The following HSD17B4 variants were observed in gnomAD, a reference collection of about 807,000 sequenced individuals.
The protein encoded by HSD17B4 is hydroxysteroid 17-beta dehydrogenase 4, also known as peroxisomal multifunctional enzyme type 2.
Under a neutral mutation model 101.0 loss-of-function variants are expected in HSD17B4, and 70 were observed. The observed-to-expected ratio is 0.69, with a 90% CI of 0.57 to 0.85. HSD17B4 has a LOEUF of 0.85. Among genes scored for constraint, HSD17B4 ranks in the 40% least tolerant of loss-of-function variants. The pLI, the probability that HSD17B4 is intolerant of heterozygous loss-of-function variation, is 0.00. For synonymous variants in HSD17B4, 347 were observed against 297.1 expected (o/e 1.17, Z -1.73); for missense variants, 984 against 892.4 (o/e 1.10, Z -1.31).
At chr5:119,493,716 T>C (rs1750326861) in intron 10 of HSD17B4, 102 bp from the exon 11 acceptor site, 1 of 1,125,568 alleles carries the variant, frequency 8.9e-7, no homozygotes, top group Non-Finnish European at 1.3e-6. Flanking sequence ...ATCCCTTTTT[T>C]TCTGAATTTC....
chr5:119,532,073 T>C (rs917639564), intron 22 of HSD17B4, among the ~76,000 whole-genome samples: 17 of 152,258 alleles, frequency 1.1e-4, no homozygotes, highest in African/African-American at 2.9e-4. Flanking sequence ...AGAAAAAATA[T>C]TCTGTCAGAT....
intron 1 of HSD17B4, among the ~76,000 whole-genome samples, chr5:119,454,015 T>G (rs13357948): frequency 0.012 from 1,900 of 152,300 alleles, 16 homozygotes; most frequent in African/African-American, 0.023. Flanking sequence ...AGGGACTGCT[T>G]CTTTTGACAC....
At chr5:119,531,987 T>G (rs1416419290) in intron 22 of HSD17B4, among the ~76,000 whole-genome samples, 1 of 152,176 alleles carries the variant, frequency 6.6e-6, no homozygotes, top group Non-Finnish European at 1.5e-5. Flanking sequence ...CATATTTCTT[T>G]TCACTGATGT....
At chr5:119,515,951 C>T (rs1257484260) in intron 17 of HSD17B4, among the ~76,000 whole-genome samples, 1 of 152,144 alleles carries the variant, frequency 6.6e-6, no homozygotes, top group South Asian at 2.1e-4. Context: ...ATATGCACAA[C>T]AAACCCCCAT....
At chr5:119,463,914 G>A (rs1333801625) in intron 2 of HSD17B4, among the ~76,000 whole-genome samples, 2 of 151,786 alleles carry the variant, frequency 1.3e-5, no homozygotes, top group African/African-American at 2.4e-5. Flanking sequence ...CAAATGATCC[G>A]CCTGCCTTGG....
Position 119,484,351 on chromosome 5 carries a change from G to C in HSD17B4, c.623-4841G>C, listed in dbSNP as rs150730186. 3.0e-3 allele frequency among the ~76,000 whole-genome samples: 457 copies of C among 152,234 alleles called. 1 individual carries two copies. Among genetic ancestry groups the C allele is most frequent in the African/African-American group, 0.011 (440 of 41,554 alleles). On this transcript the variant is annotated intron_variant, in intron 8 of 23. Transcript: ENST00000510025. Reference sequence around the variant, plus strand: ...ACCTGGGTCTATTTCTGGCTTCTCTGTTCTATTCCATTGATCTGTGTGCCT... The same window carrying C: ...ACCTGGGTCTATTTCTGGCTTCTCTCTTCTATTCCATTGATCTGTGTGCCT...
intron 16 of HSD17B4, among the ~76,000 whole-genome samples, 200 bp from the exon 17 acceptor site, chr5:119,514,781 G>A (rs1333762181): frequency 6.6e-6 from 1 of 152,000 alleles, no homozygotes; most frequent in Non-Finnish European, 1.5e-5. Flanking sequence ...GTCATTTCAG[G>A]CAAATCATAG....
chr5:119,453,154 C>G (rs1009914738), intron 1 of HSD17B4, among the ~76,000 whole-genome samples: 5 of 152,218 alleles, frequency 3.3e-5, no homozygotes, highest in African/African-American at 1.2e-4. Flanking sequence ...AAGAGGGCGT[C>G]TGATAAGAGC....
Position 119,525,267 on chromosome 5 carries a change from A to C in HSD17B4, c.1555A>C (p.Asn519His). The change falls in exon 18 of 24, where the codon AAC becomes CAC. Residue 519 changes from asparagine (N) to histidine (H), a missense_variant. Transcript: ENST00000510025. ...GDWNPLHIDP[N>H]FASLAGFDKP... ...CTGGAATCCCTTACACATTGATCCT[A>C]ACTTTGCTAGTCTAGCAGGTGAGTT... is the stretch of plus-strand genomic sequence containing the variant. 1 of 1,610,850 alleles carries C rather than the reference A, an allele frequency of 6.2e-7. No individual in the cohort carries two copies. Among genetic ancestry groups the C allele is most frequent in the East Asian group, 2.2e-5 (1 of 44,842 alleles).
At chr5:119,540,914 G>C (rs1457725760) in intron 23 of HSD17B4, among the ~76,000 whole-genome samples, 1 of 152,140 alleles carries the variant, frequency 6.6e-6, no homozygotes, top group Admixed American at 6.6e-5. Context: ...AAGAACTGCT[G>C]ATGTGCCCAC....
chr5:119,540,478 A>G (rs1754900648), intron 23 of HSD17B4, among the ~76,000 whole-genome samples: 1 of 152,210 alleles, frequency 6.6e-6, no homozygotes, highest in African/African-American at 2.4e-5. Context: ...TACTTCTAGT[A>G]ATTAGGTGTT....
intron 1 of HSD17B4, among the ~76,000 whole-genome samples, chr5:119,455,542 T>TTCTCTCTCTCTCTCTC (rs200829499): frequency 7.2e-6 from 1 of 139,332 alleles, no homozygotes; most frequent in African/African-American, 2.7e-5. Flanking sequence ...AAGCAAAACT[T>TTCTCTCTCTCTCTCTC]TCTCTCTCTC....
chr5:119,533,823 T>A (rs1754318992), intron 22 of HSD17B4, among the ~76,000 whole-genome samples: 1 of 151,996 alleles, frequency 6.6e-6, no homozygotes, highest in South Asian at 2.1e-4. Context: ...GGAAGGAAAA[T>A]CTTTGTTGGT....
chr5:119,470,235 G>T (rs1169568526), intron 2 of HSD17B4, among the ~76,000 whole-genome samples: 1 of 151,764 alleles, frequency 6.6e-6, no homozygotes, highest in Non-Finnish European at 1.5e-5. Flanking sequence ...GGACTCAGGT[G>T]CTGAGGTCAT....
intron 20 of HSD17B4, among the ~76,000 whole-genome samples, chr5:119,527,620 A>T (rs1753720864): frequency 6.6e-6 from 1 of 152,056 alleles, no homozygotes; most frequent in Non-Finnish European, 1.5e-5. Context: ...AATCTATCTG[A>T]CTCATTAATG....
At chr5:119,539,803 G>A (rs1466188923) in intron 23 of HSD17B4, among the ~76,000 whole-genome samples, 1 of 151,480 alleles carries the variant, frequency 6.6e-6, no homozygotes, top group Non-Finnish European at 1.5e-5. Flanking sequence ...TATAAAATTG[G>A]TATAGGCCAG....
At chr5:119,506,499 T>C (rs1406492874) in intron 14 of HSD17B4, among the ~76,000 whole-genome samples, 2 of 152,218 alleles carry the variant, frequency 1.3e-5, no homozygotes, top group Non-Finnish European at 2.9e-5. Context: ...GTCTTTGTAG[T>C]AGAATGATTT....
In HSD17B4 at chr5:119,456,217, AT is replaced by A; in HGVS notation, c.59-96del. On this transcript the variant is annotated intron_variant, in intron 1 of 23. Coordinates refer to ENST00000510025, the MANE Select transcript of HSD17B4 (RefSeq NM_000414.4). ...TGAGAGTATCATTAAAATGTAATTA[AT>A]TGTTCACCAATTTCTTTAAATGGGG... The A allele has an allele frequency of 3.8e-6, 3 of 789,154 alleles. No homozygotes were observed. In the East Asian group the frequency reaches 7.3e-5, roughly 19 times the overall value. The allele number at this position is 789,154 out of a possible 1,614,324, so 48.9% of individuals were successfully genotyped here.
intron 6 of HSD17B4, 148 bp downstream of exon 6, chr5:119,476,018 A>G (rs1748549919): frequency 1.5e-5 from 10 of 657,022 alleles, no homozygotes; most frequent in South Asian, 1.4e-4. Context: ...ACTGAAGACA[A>G]TGAATAGTTA....
Sources: allele counts gnomAD v4.1 joint callset (sites outside exome capture counted in the v4.1 genomes callset), GRCh38; gene constraint gnomAD v4.1.1; transcripts MANE v1.5; gene names NCBI Gene and HGNC (gene_info 2026-07-23, HGNC 2026-07-21).